The following DGKB variants were observed in gnomAD, a reference collection of about 807,000 sequenced individuals.
DGKB encodes 90 kDa diacylglycerol kinase.
In DGKB, 67 loss-of-function variants were observed where a neutral mutation model predicts 114.3. That is an observed-to-expected ratio of 0.59 (90% CI 0.48 to 0.72). The LOEUF is 0.72. Ranked by LOEUF, DGKB falls within the 30% of genes least tolerant of loss-of-function variation. The pLI, the probability that DGKB is intolerant of heterozygous loss-of-function variation, is 0.00. For missense variants in DGKB, 907 were observed against 975.2 expected, an observed-to-expected ratio of 0.93 and a Z score of 0.93; for synonymous variants, 398 against 323.1, an observed-to-expected ratio of 1.23 and a Z score of -2.49.
At chr7:14,561,550 T>G (rs560483918) in intron 20 of DGKB, among the ~76,000 whole-genome samples, 3 of 152,142 alleles carry the variant, frequency 2.0e-5, no homozygotes, top group Admixed American at 2.0e-4. Flanking sequence ...TCCTAGAGAC[T>G]TGGAGGGCTC....
At chr7:14,639,144 A>G (rs1018395625) in intron 13 of DGKB, among the ~76,000 whole-genome samples, 4 of 152,214 alleles carry the variant, frequency 2.6e-5, no homozygotes, top group Non-Finnish European at 5.9e-5. Context: ...ACATGCAAAC[A>G]TGGTAGCTGT....
In DGKB at chr7:14,392,995, G is replaced by GTTTTTGTTTTTTTTTGTTTTT; in HGVS notation, c.1836-47605_1836-47604insAAAAACAAAAAAAAACAAAAA. On this transcript the variant is annotated intron_variant, in intron 21 of 25. Coordinates refer to ENST00000402815, the MANE Select transcript of DGKB (RefSeq NM_001350709.2). Reference sequence around the variant, plus strand: ...CAAAACAGACCTGTTTTTTGTTTTTGTTTTTTTTTTTTTGAGACGGAGTCT... The same window carrying GTTTTTGTTTTTTTTTGTTTTT: ...CAAAACAGACCTGTTTTTTGTTTTTGTTTTTGTTTTTTTTTGTTTTTTTTTTTTTTTTTTGAGACGGAGTCT... 2.1e-4 allele frequency among the ~76,000 whole-genome samples: 13 copies of GTTTTTGTTTTTTTTTGTTTTT among 60,548 alleles called. 2 individuals carry two copies. In the East Asian group the frequency reaches 5.3e-3, roughly 25 times the overall value. 39.7% of individuals were successfully genotyped at this position (60,548 alleles called of 152,430 possible). A position where few individuals can be genotyped will look rare whatever the true frequency, so the allele number is the denominator to read the frequency against.
intron 1 of DGKB, among the ~76,000 whole-genome samples, chr7:14,937,896 A>G (rs1785360184): frequency 6.6e-6 from 1 of 152,194 alleles, no homozygotes; most frequent in Non-Finnish European, 1.5e-5. Flanking sequence ...GATTTTCTTA[A>G]TAACATTTTC....
chr7:14,889,944 A>G (rs907572284), intron 1 of DGKB, among the ~76,000 whole-genome samples: 1 of 151,626 alleles, frequency 6.6e-6, no homozygotes, highest in African/African-American at 2.4e-5. Flanking sequence ...ACAGAAATAC[A>G]TTAACCCCTT....
chr7:14,454,312 A>G (rs755271838), intron 21 of DGKB, among the ~76,000 whole-genome samples: 4 of 152,138 alleles, frequency 2.6e-5, no homozygotes, highest in Non-Finnish European at 5.9e-5. Flanking sequence ...ATTTTAAAAA[A>G]TCACTTAATT....
At chr7:14,702,126 G>A (rs1825304517) in intron 6 of DGKB, among the ~76,000 whole-genome samples, 1 of 152,114 alleles carries the variant, frequency 6.6e-6, no homozygotes, top group South Asian at 2.1e-4. Context: ...ACTATAATTT[G>A]AAATCCACTA....
chr7:14,363,455 T>C (rs1816101908), intron 21 of DGKB, among the ~76,000 whole-genome samples: 1 of 152,216 alleles, frequency 6.6e-6, no homozygotes, highest in African/African-American at 2.4e-5. Flanking sequence ...GAGATTGTGA[T>C]TCCTAGAGGG....
intron 15 of DGKB, among the ~76,000 whole-genome samples, chr7:14,618,554 T>G (rs1806996230): frequency 6.6e-6 from 1 of 151,640 alleles, no homozygotes; most frequent in Admixed American, 6.6e-5. Flanking sequence ...ATCTCTTGCA[T>G]GGTAAGAAGT....
At chr7:14,871,745 C>T (rs1475209753) in intron 1 of DGKB, among the ~76,000 whole-genome samples, 1 of 152,108 alleles carries the variant, frequency 6.6e-6, no homozygotes, top group Non-Finnish European at 1.5e-5. Flanking sequence ...AAGTGCCTAG[C>T]ACTGTTTATA....
At chr7:14,376,831 T>C (rs1487066494) in intron 21 of DGKB, among the ~76,000 whole-genome samples, 5 of 152,142 alleles carry the variant, frequency 3.3e-5, no homozygotes, top group Admixed American at 3.3e-4. Context: ...GACATTCAAA[T>C]TGTAATCTTG....
Position 14,609,151 on chromosome 7 carries a change from A to G in DGKB, c.1359-1643T>C, listed in dbSNP as rs190903472. On this transcript the variant is annotated intron_variant, in intron 16 of 25. Coordinates refer to ENST00000402815, the MANE Select transcript of DGKB (RefSeq NM_001350709.2). ...AACAAAGATGGAAGAATCACACCAT[A>G]AGGCTACAGTAACAAAAACTGCATG... Among the ~76,000 whole-genome samples, 74 of 151,930 alleles carry G rather than the reference A, an allele frequency of 4.9e-4. 1 individual carries two copies. In the East Asian group the frequency reaches 0.014, roughly 29 times the overall value.
At chr7:14,440,274 C>T (rs2128810441) in intron 21 of DGKB, among the ~76,000 whole-genome samples, 1 of 152,236 alleles carries the variant, frequency 6.6e-6, no homozygotes, top group East Asian at 1.9e-4. Flanking sequence ...TCCTTCTTGG[C>T]AGCAGATGCA....
At position 14,602,823 on chromosome 7, in the gene DGKB, C is replaced by T. The variant is rs527621674; in HGVS notation, c.1433+4611G>A. Among the ~76,000 whole-genome samples the T allele has an allele frequency of 1.3e-4, 20 of 152,250 alleles. No homozygotes were observed. The South Asian group carries it at 1.7e-3, about 13-fold the overall frequency. ...ACAAGTTAAAGCACACACACAAATA[C>T]GAAACGGTCATTTCAAATGGCCAAT... is the stretch of plus-strand genomic sequence containing the variant. On this transcript the variant is annotated intron_variant, in intron 17 of 25. Transcript: ENST00000402815.
chr7:14,963,059 T>C (rs1401745298), intron 1 of DGKB, among the ~76,000 whole-genome samples: 1 of 152,118 alleles, frequency 6.6e-6, no homozygotes, highest in Non-Finnish European at 1.5e-5. Context: ...TTTATAAAGC[T>C]AGAAACATTG....
chr7:14,210,889 G>C (rs1258311752), intron 23 of DGKB, among the ~76,000 whole-genome samples: 1 of 151,814 alleles, frequency 6.6e-6, no homozygotes, highest in Non-Finnish European at 1.5e-5. Context: ...ATCTCTTCCT[G>C]CTTTATACAC....
chr7:14,641,706 C>A (rs1457073511), intron 13 of DGKB, among the ~76,000 whole-genome samples: 1 of 152,072 alleles, frequency 6.6e-6, no homozygotes, highest in East Asian at 1.9e-4. Context: ...TTTAGACTTT[C>A]TATCACATCT....
intron 2 of DGKB, among the ~76,000 whole-genome samples, chr7:14,778,287 A>T (rs1838521288): frequency 1.3e-5 from 2 of 152,222 alleles, no homozygotes; most frequent in Admixed American, 6.5e-5. Context: ...AGGCTTTTCC[A>T]GTTCTAAAAC....
intron 1 of DGKB, among the ~76,000 whole-genome samples, chr7:14,962,945 C>A (rs1786943346): frequency 6.6e-6 from 1 of 151,998 alleles, no homozygotes; most frequent in African/African-American, 2.4e-5. Flanking sequence ...GCAACCAGAG[C>A]CAAAAATTTA....
In DGKB at chr7:14,750,568, A is replaced by T. The variant is rs1212449765; in HGVS notation, c.168+3360T>A. ...CTTGATTGGACTGCTTCCATAACTC[A>T]TATCTAGTCTTCTCTTCTACCCAAG... On this transcript the variant is annotated intron_variant, in intron 4 of 25. Coordinates refer to ENST00000402815, the MANE Select transcript of DGKB (RefSeq NM_001350709.2). Among the ~76,000 whole-genome samples, 4 of 151,994 alleles carry T rather than the reference A, an allele frequency of 2.6e-5. No homozygotes were observed. The East Asian group carries it at 7.7e-4, about 29-fold the overall frequency.
Sources: gnomAD v4.1 joint callset for allele counts (sites outside exome capture counted in the v4.1 genomes callset) on GRCh38, gnomAD v4.1.1 for gene constraint, MANE v1.5 for transcripts, NCBI Gene and HGNC (gene_info 2026-07-23, HGNC 2026-07-21) for gene names.